Variants in GALNT18 observed in about 807,000 individuals in gnomAD.
GALNT18 encodes polypeptide N-acetylgalactosaminyltransferase 18, also known as GalNAc-transferase 18.
GALNT18 carries 44 observed loss-of-function variants against 69.5 expected under a neutral mutation model. The observed-to-expected ratio is 0.63, with a 90% CI of 0.50 to 0.81. GALNT18 has a LOEUF of 0.81. Ranked by LOEUF, GALNT18 falls within the 40% of genes least tolerant of loss-of-function variation. GALNT18 has a pLI of 0.00. For synonymous variants in GALNT18, 364 were observed against 318.2 expected (o/e 1.14, Z -1.53); for missense variants, 715 against 810.0 (o/e 0.88, Z 1.42).
rs1858309527 is a variant in GALNT18, at chr11:11,555,416, A to T, written c.235+65943T>A. On this transcript the variant is annotated intron_variant, in intron 1 of 10. Coordinates refer to ENST00000227756, the MANE Select transcript of GALNT18 (RefSeq NM_198516.3). The surrounding 1 kb of genome is among the most constrained non-coding windows in gnomAD (Gnocchi z 4.7). Reference sequence around the variant, plus strand: ...GCTTAGGAGCTCAGACTGCGACAGCATCAGCCCAGGAGTGGCCACGTGCCA... The same window carrying T: ...GCTTAGGAGCTCAGACTGCGACAGCTTCAGCCCAGGAGTGGCCACGTGCCA... 6.6e-6 allele frequency among the ~76,000 whole-genome samples: 1 copy of T among 152,230 alleles called. No homozygotes were observed. The highest frequency in any genetic ancestry group is 6.5e-5 in the Admixed American group (1 of 15,286).
At chr11:11,397,574 A>G (rs1213147591) in intron 3 of GALNT18, among the ~76,000 whole-genome samples, 1 of 152,066 alleles carries the variant, frequency 6.6e-6, no homozygotes, top group Non-Finnish European at 1.5e-5. Flanking sequence ...AGTGATTCTC[A>G]TGCCTCAGCC....
intron 6 of GALNT18, among the ~76,000 whole-genome samples, chr11:11,359,808 C>T (rs1335764150): frequency 6.6e-6 from 1 of 152,156 alleles, no homozygotes; most frequent in South Asian, 2.1e-4. Flanking sequence ...ACAACACAAC[C>T]TAGTGATTAA....
At chr11:11,285,955 GGGCAGTCTCATCTA>G (rs1427295466) in intron 10 of GALNT18, among the ~76,000 whole-genome samples, 1 of 152,178 alleles carries the variant, frequency 6.6e-6, no homozygotes, top group Non-Finnish European at 1.5e-5. Context: ...AGTCTCTTCT[GGGCAGTCTCATCTA>G]GTCTTGAAAA....
In GALNT18 at chr11:11,550,834, C is replaced by G. The variant is rs1391197833; in HGVS notation, c.235+70525G>C. Among the ~76,000 whole-genome samples, 13 of 152,282 alleles carry G rather than the reference C, an allele frequency of 8.5e-5. No homozygotes were observed. In the South Asian group the frequency reaches 2.5e-3, roughly 29 times the overall value. ...TTTCACTTAATTTAAATGTAAACAGCCACATGTGACTAGTGGCTACCATCC... is the reference window on the plus strand; with the variant it reads ...TTTCACTTAATTTAAATGTAAACAGGCACATGTGACTAGTGGCTACCATCC... On this transcript the variant is annotated intron_variant, in intron 1 of 10. Coordinates refer to ENST00000227756, the MANE Select transcript of GALNT18 (RefSeq NM_198516.3).
At chr11:11,474,317 CA>C (rs1856340528) in intron 1 of GALNT18, among the ~76,000 whole-genome samples, 1 of 152,174 alleles carries the variant, frequency 6.6e-6, no homozygotes, top group Admixed American at 6.5e-5. Flanking sequence ...AGAAAGAACT[CA>C]GGGGGCTCAA....
chr11:11,414,442 G>A (rs1040231748), intron 3 of GALNT18, among the ~76,000 whole-genome samples: 1 of 152,094 alleles, frequency 6.6e-6, no homozygotes, highest in Non-Finnish European at 1.5e-5. Context: ...CTGAGACCAT[G>A]TTACCTCCTG....
At chr11:11,539,575 T>A (rs925027053) in intron 1 of GALNT18, among the ~76,000 whole-genome samples, 1 of 151,990 alleles carries the variant, frequency 6.6e-6, no homozygotes, top group Admixed American at 6.5e-5. Flanking sequence ...GAGACCCCAC[T>A]GTGAACATGA....
At chr11:11,353,060 A>T in intron 6 of GALNT18, 2 of 1,614,160 alleles carry the variant, frequency 1.2e-6, no homozygotes, top group Non-Finnish European at 1.7e-6. Context: ...AGTATTCTCG[A>T]GGTCTGTGTG....
intron 1 of GALNT18, among the ~76,000 whole-genome samples, chr11:11,554,715 T>C (rs186981804): frequency 2.0e-5 from 3 of 152,164 alleles, no homozygotes; most frequent in Admixed American, 6.5e-5. Context: ...ACTGATGCTA[T>C]CTCACCGGCT....
Position 11,293,116 on chromosome 11 carries a change from G to A in GALNT18, c.1590C>T (p.Cys530=), listed in dbSNP as rs771795980. The A allele has an allele frequency of 2.9e-6, 4 of 1,374,252 alleles. No homozygotes were observed. Among genetic ancestry groups the A allele is most frequent in the Admixed American group, 2.9e-5 (1 of 34,384 alleles). The allele number at this position is 1,374,252 out of a possible 1,614,324, so 85.1% of individuals were successfully genotyped here. Residue 530 remains cysteine, a synonymous_variant, in exon 10 of 11, where the codon TGC becomes TGT. Transcript: ENST00000227756. ...GGGGCCGGCTGTTGACGTCCACCAG[G>A]CATCGGTTGTCATCATCATCCACGG... The part of the protein sequence containing the change: ...SPTVDDDDNR[C]LVDVNSRPRL...
chr11:11,385,396 T>C lies in GALNT18; in HGVS notation c.596-6132A>G, dbSNP rs534711886. 8.7e-4 allele frequency among the ~76,000 whole-genome samples: 132 copies of C among 151,788 alleles called. No homozygotes were observed. In the Middle Eastern group the frequency reaches 0.024, roughly 27 times the overall value. On this transcript the variant is annotated intron_variant, in intron 3 of 10. Transcript: ENST00000227756. ...CTGCAAGCTCCGCCTCCCGGGTTCA[T>C]GCCATTCTCCTGCCTCAGCCTCCCC...
At chr11:11,349,073 T>C (rs979752557) in intron 6 of GALNT18, among the ~76,000 whole-genome samples, 14 of 152,236 alleles carry the variant, frequency 9.2e-5, no homozygotes, top group Non-Finnish European at 1.2e-4. Flanking sequence ...ATTGTTTAGT[T>C]TTGCCTGTTT....
chr11:11,355,578 A>G (rs1850514015), intron 6 of GALNT18, among the ~76,000 whole-genome samples: 1 of 152,170 alleles, frequency 6.6e-6, no homozygotes, highest in Non-Finnish European at 1.5e-5. Context: ...TTTATTATTT[A>G]TTTATATATG....
intron 6 of GALNT18, among the ~76,000 whole-genome samples, chr11:11,354,297 G>T (rs1030713768): frequency 6.6e-6 from 1 of 152,192 alleles, no homozygotes. Flanking sequence ...CATTTCCCAG[G>T]TGAGCAAACT....
chr11:11,331,827 T>C (rs963933818), intron 8 of GALNT18, among the ~76,000 whole-genome samples: 6 of 152,058 alleles, frequency 3.9e-5, no homozygotes, highest in Non-Finnish European at 8.8e-5. Flanking sequence ...AGACTGTAAG[T>C]CAGCAAAAGC....
chr11:11,442,786 C>T (rs1442002020), intron 2 of GALNT18, among the ~76,000 whole-genome samples: 2 of 152,218 alleles, frequency 1.3e-5, no homozygotes, highest in South Asian at 2.1e-4. Context: ...TGTCCTAGCC[C>T]CACGCCCTAA....
chr11:11,519,597 A>T (rs971549004), intron 1 of GALNT18, among the ~76,000 whole-genome samples: 1 of 152,218 alleles, frequency 6.6e-6, no homozygotes, highest in African/African-American at 2.4e-5. Flanking sequence ...TGGGCCAGCC[A>T]GGGAAAGCCT....
intron 1 of GALNT18, among the ~76,000 whole-genome samples, chr11:11,575,718 A>G (rs1197839379): frequency 6.6e-6 from 1 of 152,214 alleles, no homozygotes; most frequent in Non-Finnish European, 1.5e-5. Flanking sequence ...GTGTGTCTGA[A>G]AAACAGCAAA....
intron 1 of GALNT18, among the ~76,000 whole-genome samples, chr11:11,476,819 C>T (rs951349526): frequency 2.0e-5 from 3 of 152,176 alleles, no homozygotes; most frequent in Non-Finnish European, 1.5e-5. Context: ...ACTAAGGCAC[C>T]AAGATGCAAT....
Sources: gnomAD v4.1 joint callset for allele counts (sites outside exome capture counted in the v4.1 genomes callset) on GRCh38, gnomAD v4.1.1 for gene constraint, Gnocchi (gnomAD v3.1) non-coding constraint, MANE v1.5 for transcripts, NCBI Gene and HGNC (gene_info 2026-07-23, HGNC 2026-07-21) for gene names.